Variants in DOP1A observed in about 807,000 individuals in gnomAD.
DOP1A encodes protein DOP1A.
Under a neutral mutation model 267.6 loss-of-function variants are expected in DOP1A, and 90 were observed. That is an observed-to-expected ratio of 0.34 (90% confidence interval 0.28 to 0.40). DOP1A has a LOEUF of 0.40. DOP1A is among the 10% of genes least tolerant of loss of function. The pLI, the probability that DOP1A is intolerant of heterozygous loss-of-function variation, is 1.00. For missense variants in DOP1A, 2,437 were observed against 2,900.4 expected, an observed-to-expected ratio of 0.84 and a Z score of 3.67; for synonymous variants, 932 against 999.1, an observed-to-expected ratio of 0.93 and a Z score of 1.27.
chr6:83,122,562 C>T (rs146773841), intron 11 of DOP1A, among the ~76,000 whole-genome samples: 1 of 152,086 alleles, frequency 6.6e-6, no homozygotes, highest in Admixed American at 6.6e-5. Flanking sequence ...GCCAAATTTA[C>T]AGTCCCACAC....
chr6:83,167,458 A>G lies in DOP1A; in HGVS notation c.7093-404A>G, dbSNP rs541685949. The G allele has an allele frequency of 1.7e-5, 17 of 988,162 alleles. No homozygotes were observed. In the Admixed American group the frequency reaches 8.9e-4, roughly 51 times the overall value. 61.2% of individuals were successfully genotyped at this position (988,162 alleles called of 1,614,324 possible). A position where few individuals can be genotyped will look rare whatever the true frequency, so the allele number is the denominator to read the frequency against. On this transcript the variant is annotated intron_variant, in intron 38 of 38. Transcript: ENST00000349129. ...TAAAAGGGGATATATTATGAAATGT[A>G]TAAAGCACTTTGTTCCTTTTTTCTG...
At chr6:83,112,704 C>T (rs148076563) in intron 6 of DOP1A, among the ~76,000 whole-genome samples, 218 of 152,304 alleles carry the variant, frequency 1.4e-3, no homozygotes, top group African/African-American at 5.1e-3. Flanking sequence ...ACCAAGTGAT[C>T]TACCCACCTT....
At chr6:83,073,763 C>T (rs777622475) in intron 1 of DOP1A, among the ~76,000 whole-genome samples, 7 of 152,146 alleles carry the variant, frequency 4.6e-5, no homozygotes, top group Non-Finnish European at 8.8e-5. Context: ...TTCGAAGTGG[C>T]TCACTCATGA....
intron 12 of DOP1A, among the ~76,000 whole-genome samples, chr6:83,123,904 C>T (rs1776729716): frequency 6.6e-6 from 1 of 152,080 alleles, no homozygotes; most frequent in Admixed American, 6.6e-5. Context: ...CCAACCTGGA[C>T]TATTCTCTGA....
chr6:83,112,803 C>T (rs1562311177), intron 6 of DOP1A, among the ~76,000 whole-genome samples: 1 of 152,094 alleles, frequency 6.6e-6, no homozygotes, highest in Non-Finnish European at 1.5e-5. Flanking sequence ...TACCCCAAGA[C>T]CTGGCAATTC....
In DOP1A at chr6:83,166,115, T is replaced by C. The variant is rs190519556; in HGVS notation, c.7093-1747T>C. On this transcript the variant is annotated intron_variant, in intron 38 of 38. Coordinates refer to ENST00000349129, the MANE Select transcript of DOP1A (RefSeq NM_015018.4). ...AATGATTCATTATTGTTGCATAGAA[T>C]AGAGAAAATGACACTTCAAAACAAC... 4.7e-4 allele frequency: 201 copies of C among 428,628 alleles called. 2 individuals are homozygous for C. The highest frequency in any genetic ancestry group is 5.8e-5 in the Non-Finnish European group (14 of 242,132). The allele number at this position is 428,628 out of a possible 1,614,324, so 26.6% of individuals were successfully genotyped here.
chr6:83,115,512 G>A (rs887821776), intron 7 of DOP1A, among the ~76,000 whole-genome samples: 1 of 152,154 alleles, frequency 6.6e-6, no homozygotes, highest in Non-Finnish European at 1.5e-5. Context: ...TACGAGGTCA[G>A]GAGATCGAGA....
intron 15 of DOP1A, among the ~76,000 whole-genome samples, chr6:83,126,668 TTGAG>T (rs2128229654): frequency 1.3e-5 from 2 of 152,102 alleles, no homozygotes; most frequent in East Asian, 3.9e-4. Flanking sequence ...GAAGACGTGT[TTGAG>T]TGAAGCCTTA....
At chr6:83,088,235 A>G (rs1453108289) in intron 1 of DOP1A, among the ~76,000 whole-genome samples, 4 of 152,112 alleles carry the variant, frequency 2.6e-5, no homozygotes, top group Non-Finnish European at 4.4e-5. Flanking sequence ...CAGGACATGC[A>G]GAGGAAAGGC....
intron 24 of DOP1A, among the ~76,000 whole-genome samples, chr6:83,142,834 GCTTT>G (rs893299678): frequency 2.6e-5 from 4 of 151,810 alleles, no homozygotes; most frequent in African/African-American, 9.7e-5. Context: ...GAATTTTGTT[GCTTT>G]CTGAGTTTCA....
intron 1 of DOP1A, among the ~76,000 whole-genome samples, chr6:83,086,183 C>T (rs1292306990): frequency 2.0e-5 from 3 of 152,104 alleles, no homozygotes; most frequent in African/African-American, 7.2e-5. Flanking sequence ...AAAAACTTTA[C>T]TAATAGCCTA....
intron 17 of DOP1A, among the ~76,000 whole-genome samples, chr6:83,131,659 G>A (rs750137628): frequency 6.6e-6 from 1 of 151,598 alleles, no homozygotes; most frequent in Admixed American, 6.6e-5. Flanking sequence ...TTACATGTCT[G>A]ATTTTTTTTT....
At chr6:83,069,159 T>A (rs891625925) in intron 1 of DOP1A, among the ~76,000 whole-genome samples, 3 of 152,154 alleles carry the variant, frequency 2.0e-5, no homozygotes, top group Non-Finnish European at 4.4e-5. Context: ...CCAGGTGTGA[T>A]CTCCAGGCTT....
chr6:83,114,557 A>G (rs996465528), intron 7 of DOP1A, among the ~76,000 whole-genome samples: 4 of 152,166 alleles, frequency 2.6e-5, no homozygotes, highest in African/African-American at 9.7e-5. Context: ...CAAAAAATTT[A>G]TTGACTTTCC....
chr6:83,162,242 C>T (rs1329017449), intron 37 of DOP1A, among the ~76,000 whole-genome samples: 4 of 151,884 alleles, frequency 2.6e-5, no homozygotes, highest in South Asian at 2.1e-4. Flanking sequence ...TTCCCATGGT[C>T]GGATATTACT....
intron 5 of DOP1A, among the ~76,000 whole-genome samples, 170 bp downstream of exon 5, chr6:83,109,250 A>G (rs1774152668): frequency 6.6e-6 from 1 of 152,220 alleles, no homozygotes; most frequent in East Asian, 1.9e-4. Flanking sequence ...TAGTCTATGT[A>G]TCATACTGAA....
intron 38 of DOP1A, among the ~76,000 whole-genome samples, chr6:83,163,328 AAGT>A (rs1445988409): frequency 6.6e-6 from 1 of 152,180 alleles, no homozygotes; most frequent in Non-Finnish European, 1.5e-5. Context: ...TGACAAACAA[AAGT>A]ATGAGTTGAT....
At chr6:83,073,410 A>G (rs1201045815) in intron 1 of DOP1A, among the ~76,000 whole-genome samples, 2 of 152,028 alleles carry the variant, frequency 1.3e-5, no homozygotes, top group African/African-American at 4.8e-5. Context: ...TTGAGCCTGA[A>G]TGAGGGGTTC....
chr6:83,167,819 TTGTC>T (rs1786166805), intron 38 of DOP1A, 39 bp from the exon 39 acceptor site: 1 of 1,544,240 alleles, frequency 6.5e-7, no homozygotes, highest in African/African-American at 1.4e-5. Flanking sequence ...ACATACCACA[TTGTC>T]TGTTGTATTA....
Sources: gnomAD v4.1 joint callset for allele counts (sites outside exome capture counted in the v4.1 genomes callset) on GRCh38, gnomAD v4.1.1 for gene constraint, MANE v1.5 for transcripts, NCBI Gene and HGNC (gene_info 2026-07-23, HGNC 2026-07-21) for gene names.